Variants in SRGN observed in about 807,000 individuals in gnomAD.
SRGN encodes hematopoetic proteoglycan core peptide.
A neutral mutation model predicts 9.5 loss-of-function variants in SRGN; 2 were observed. That is an observed-to-expected ratio of 0.21 (90% CI 0.09 to 0.66). SRGN has a LOEUF of 0.66. Ranked by LOEUF, SRGN falls within the 30% of genes least tolerant of loss-of-function variation. SRGN has a pLI of 0.83. For synonymous variants in SRGN, 59 were observed against 72.3 expected (o/e 0.82, Z 0.93); for missense variants, 170 against 192.4 (o/e 0.88, Z 0.69).
In SRGN at chr10:69,104,355, C is replaced by A. The variant is rs1840356136; in HGVS notation, c.*235C>A. On this transcript the variant is annotated 3_prime_UTR_variant, in exon 3 of 3. Transcript: ENST00000242465. ...TGCATTTTTTGGTATCATGTTCAACCAACATCATTATGAAATTAATTAGAT... is the reference window on the plus strand; with the variant it reads ...TGCATTTTTTGGTATCATGTTCAACAAACATCATTATGAAATTAATTAGAT... The A allele has an allele frequency of 3.0e-6, 1 of 333,286 alleles. No individual in the cohort carries two copies. Among genetic ancestry groups the A allele is most frequent in the Non-Finnish European group, 5.3e-6 (1 of 188,920 alleles). 20.6% of individuals were successfully genotyped at this position (333,286 alleles called of 1,614,324 possible).
rs777677995 is a variant in SRGN at position 69,104,063 on chromosome 10, G to C, written c.420G>C (p.Leu140=). 4 of 1,614,184 alleles carry C rather than the reference G, an allele frequency of 2.5e-6. No individual in the cohort carries two copies. Among genetic ancestry groups the C allele is most frequent in the Non-Finnish European group, 3.4e-6 (4 of 1,180,034 alleles). ...HDNLRSLDRN[L]PSDSQDLGQH... is the part of the protein sequence containing the mutation. ...ACCTTAGGTCTCTTGACAGGAATCT[G>C]CCCTCAGACAGCCAGGACTTGGGTC... is the stretch of plus-strand genomic sequence containing the variant. Residue 140 remains leucine (L), a synonymous_variant, in exon 3 of 3, where the codon CTG becomes CTC. Coordinates refer to ENST00000242465, the MANE Select transcript of SRGN (RefSeq NM_002727.4).
intron 1 of SRGN, among the ~76,000 whole-genome samples, chr10:69,096,783 C>CAGTT (rs1443569462): frequency 1.3e-5 from 2 of 151,972 alleles, no homozygotes; most frequent in Non-Finnish European, 2.9e-5. Flanking sequence ...TGAGACCAGC[C>CAGTT]TGGGCACATA....
Position 69,088,111 on chromosome 10 carries a change from T to G in SRGN, c.-47T>G. 6.5e-7 allele frequency: 1 copy of G among 1,540,824 alleles called. No homozygotes were observed. Among genetic ancestry groups the G allele is most frequent in the Non-Finnish European group, 9.0e-7 (1 of 1,113,256 alleles). ...ACAGAGAGCACCCTGCTACATTTCC[T>G]AATCAAGAAGTTGGCGTGCAGCTGG... On this transcript the variant is annotated 5_prime_UTR_variant, in exon 1 of 3. Transcript: ENST00000242465.
At chr10:69,097,652 C>A (rs1840206150) in intron 2 of SRGN, among the ~76,000 whole-genome samples, 1 of 152,108 alleles carries the variant, frequency 6.6e-6, no homozygotes, top group Admixed American at 6.6e-5. Context: ...TGGTCTCGAT[C>A]TCCTGACCTA....
intron 1 of SRGN, among the ~76,000 whole-genome samples, chr10:69,088,778 T>A (rs1183513502): frequency 6.6e-6 from 1 of 152,122 alleles, no homozygotes; most frequent in Non-Finnish European, 1.5e-5. Context: ...TTAGACATAG[T>A]TCATGTAAAA....
At chr10:69,089,281 G>A (rs1840003388) in intron 1 of SRGN, among the ~76,000 whole-genome samples, 2 of 152,096 alleles carry the variant, frequency 1.3e-5, no homozygotes, top group South Asian at 4.1e-4. Flanking sequence ...TAATGTTTCT[G>A]GAACGTTATT....
intron 2 of SRGN, among the ~76,000 whole-genome samples, chr10:69,097,802 G>A (rs1237980409): frequency 6.6e-6 from 1 of 152,104 alleles, no homozygotes; most frequent in Non-Finnish European, 1.5e-5. Flanking sequence ...GACCTCAGGT[G>A]ATCCACCCAC....
intron 2 of SRGN, chr10:69,098,929 C>T (rs1210313961): frequency 6.6e-6 from 1 of 151,772 alleles, no homozygotes; most frequent in Non-Finnish European, 1.5e-5. Flanking sequence ...TGCACTCCAG[C>T]CTAGGCAACA....
chr10:69,094,765 T>A (rs1033097172), intron 1 of SRGN, among the ~76,000 whole-genome samples: 1 of 151,856 alleles, frequency 6.6e-6, no homozygotes, highest in Non-Finnish European at 1.5e-5. Flanking sequence ...ATTTTTAAAA[T>A]CTTTTTTCTC....
intron 1 of SRGN, among the ~76,000 whole-genome samples, chr10:69,090,436 C>G (rs1470980527): frequency 6.6e-6 from 1 of 152,158 alleles, no homozygotes; most frequent in African/African-American, 2.4e-5. Flanking sequence ...AAATGTATTT[C>G]CTCACAGTTC....
chr10:69,090,062 C>A (rs1465060001), intron 1 of SRGN, among the ~76,000 whole-genome samples: 2 of 152,150 alleles, frequency 1.3e-5, no homozygotes, highest in African/African-American at 4.8e-5. Context: ...GAGAAACTGA[C>A]AAACTAGGGT....
At chr10:69,090,521 T>C (rs985607728) in intron 1 of SRGN, among the ~76,000 whole-genome samples, 1 of 152,206 alleles carries the variant, frequency 6.6e-6, no homozygotes, top group Non-Finnish European at 1.5e-5. Context: ...GGCTTATAGA[T>C]GGCGCCTTCT....
chr10:69,093,967 T>C (rs1840119539), intron 1 of SRGN, among the ~76,000 whole-genome samples: 1 of 152,226 alleles, frequency 6.6e-6, no homozygotes, highest in Non-Finnish European at 1.5e-5. Flanking sequence ...ATTTATAAGA[T>C]GTTCACTCTC....
chr10:69,103,985 G>A lies in SRGN; in HGVS notation c.342G>A (p.Thr114=), dbSNP rs200086618. The change falls in exon 3 of 3, where the codon ACG becomes ACA. Residue 114 remains threonine, a synonymous_variant. Coordinates refer to ENST00000242465, the MANE Select transcript of SRGN (RefSeq NM_002727.4). ...CAGGATCTGGGAGTGGCTTCCTAACGGAAATGGAACAGGATTACCAACTAG... is the reference window on the plus strand; with the variant it reads ...CAGGATCTGGGAGTGGCTTCCTAACAGAAATGGAACAGGATTACCAACTAG... The part of the protein sequence containing the change: ...SGSGSGSGFL[T]EMEQDYQLVD... 4.3e-6 allele frequency: 7 copies of A among 1,613,996 alleles called. No individual in the cohort carries two copies. Among genetic ancestry groups the A allele is most frequent in the African/African-American group, 1.3e-5 (1 of 74,898 alleles).
Position 69,097,237 on chromosome 10 carries a change from T to C in SRGN, c.227+6T>C, listed in dbSNP as rs374251847. ...CTGAGGACTGACCTTTTTCCGTAAG[T>C]GGACTTTTCTCTAATTAATTAATTA... On this transcript the variant is annotated splice_donor_region_variant and intron_variant, in intron 2 of 2. Transcript: ENST00000242465. 1.2e-5 allele frequency: 20 copies of C among 1,604,644 alleles called. No homozygotes were observed. Among genetic ancestry groups the C allele is most frequent in the East Asian group, 2.2e-5 (1 of 44,812 alleles).
chr10:69,087,917 C>G (rs1020508187), upstream of SRGN, among the ~76,000 whole-genome samples: 2 of 152,082 alleles, frequency 1.3e-5, no homozygotes, highest in African/African-American at 4.8e-5. Context: ...AAAAGCAGGC[C>G]TGGGGGGAGT....
intron 1 of SRGN, among the ~76,000 whole-genome samples, chr10:69,094,693 A>G (rs1840138504): frequency 6.6e-6 from 1 of 152,102 alleles, no homozygotes; most frequent in Non-Finnish European, 1.5e-5. Flanking sequence ...GTCTCAAGCA[A>G]TCTTCCTGCC....
intron 1 of SRGN, among the ~76,000 whole-genome samples, 198 bp downstream of exon 1, chr10:69,088,434 G>A (rs1589324123): frequency 6.6e-6 from 1 of 152,196 alleles, no homozygotes; most frequent in African/African-American, 2.4e-5. Flanking sequence ...TCTGTGGCGT[G>A]TGCAGTCTTG....
chr10:69,096,455 G>T (rs1023588803), intron 1 of SRGN, among the ~76,000 whole-genome samples: 6 of 152,144 alleles, frequency 3.9e-5, no homozygotes, highest in Non-Finnish European at 8.8e-5. Context: ...TACAGTGAGG[G>T]TTCAGAGAAG....
Sources: gnomAD v4.1 joint callset for allele counts (sites outside exome capture counted in the v4.1 genomes callset) on GRCh38, gnomAD v4.1.1 for gene constraint, MANE v1.5 for transcripts, NCBI Gene and HGNC (gene_info 2026-07-23, HGNC 2026-07-21) for gene names.